Variants in PHACTR1 observed in about 807,000 individuals in gnomAD.
PHACTR1 encodes the protein RPEL repeat containing 1.
PHACTR1 carries 16 observed loss-of-function variants against 69.2 expected under a neutral mutation model. That is an observed-to-expected ratio of 0.23 (90% CI 0.16 to 0.35). PHACTR1 has a LOEUF of 0.35. Ranked by LOEUF, PHACTR1 falls within the 10% of genes least tolerant of loss-of-function variation. The pLI is 1.00. For missense variants in PHACTR1, 510 were observed against 734.7 expected, an observed-to-expected ratio of 0.69 and a Z score of 3.54; for synonymous variants, 312 against 284.5, an observed-to-expected ratio of 1.10 and a Z score of -0.97.
chr6:13,197,200 G>A (rs1764558418), intron 7 of PHACTR1, among the ~76,000 whole-genome samples: 2 of 152,184 alleles, frequency 1.3e-5, no homozygotes, highest in Admixed American at 1.3e-4. Flanking sequence ...ATCAAGGACT[G>A]TACGGGGGCT....
chr6:12,739,082 C>T (rs1263023441), intron 3 of PHACTR1, among the ~76,000 whole-genome samples: 3 of 146,780 alleles, frequency 2.0e-5, no homozygotes, highest in Non-Finnish European at 3.0e-5. Context: ...CTGAGTGCTG[C>T]GACACTCTTG....
At chr6:13,156,849 G>A (rs994473057) in intron 5 of PHACTR1, among the ~76,000 whole-genome samples, 1 of 152,076 alleles carries the variant, frequency 6.6e-6, no homozygotes, top group Non-Finnish European at 1.5e-5. Context: ...TTAACATCTA[G>A]TTGTGTCTAC....
intron 3 of PHACTR1, 45 bp from the exon 4 acceptor site, chr6:12,749,599 C>A: frequency 2.0e-6 from 3 of 1,472,040 alleles, no homozygotes; most frequent in South Asian, 1.2e-5. Flanking sequence ...CCCTCCTCCC[C>A]CTTCCGCCTC....
At chr6:13,100,025 G>A (rs1222943679) in intron 5 of PHACTR1, among the ~76,000 whole-genome samples, 2 of 152,138 alleles carry the variant, frequency 1.3e-5, no homozygotes, top group African/African-American at 2.4e-5. Context: ...TGAAACCCTG[G>A]TGGTGAGGGA....
intron 5 of PHACTR1, among the ~76,000 whole-genome samples, chr6:13,086,688 A>G (rs1812370677): frequency 6.6e-6 from 1 of 152,118 alleles, no homozygotes; most frequent in African/African-American, 2.4e-5. Flanking sequence ...CATTACATGG[A>G]TATCCCATAG....
intron 3 of PHACTR1, among the ~76,000 whole-genome samples, chr6:12,744,990 C>T (rs1244029295): frequency 2.6e-5 from 4 of 152,040 alleles, no homozygotes; most frequent in African/African-American, 7.2e-5. Context: ...TCTAGGTATA[C>T]AGGTCTCATC....
At chr6:12,719,831 C>T (rs1372922788) in intron 3 of PHACTR1, among the ~76,000 whole-genome samples, 1 of 152,140 alleles carries the variant, frequency 6.6e-6, no homozygotes, top group Non-Finnish European at 1.5e-5. Context: ...GCCAACTTAT[C>T]GTGGTAACCT....
chr6:13,099,274 A>G (rs546469268), intron 5 of PHACTR1, among the ~76,000 whole-genome samples: 6 of 152,208 alleles, frequency 3.9e-5, no homozygotes, highest in Non-Finnish European at 7.3e-5. Flanking sequence ...ATTCACCATC[A>G]TATGTCTCCT....
At chr6:12,844,149 C>T (rs1404537097) in intron 4 of PHACTR1, among the ~76,000 whole-genome samples, 1 of 152,160 alleles carries the variant, frequency 6.6e-6, no homozygotes, top group Non-Finnish European at 1.5e-5. Context: ...AATCCCAGCA[C>T]ATTGAGAGCC....
At chr6:12,767,848 T>G (rs1295951563) in intron 4 of PHACTR1, among the ~76,000 whole-genome samples, 3 of 152,186 alleles carry the variant, frequency 2.0e-5, no homozygotes, top group Non-Finnish European at 2.9e-5. Context: ...TAAAAGACAT[T>G]GATAAATCTT....
chr6:13,278,445 CAG>C (rs1424653841), intron 12 of PHACTR1, 116 bp downstream of exon 12: 5 of 841,846 alleles, frequency 5.9e-6, no homozygotes, highest in African/African-American at 3.5e-5. Flanking sequence ...CCTCCTGTGT[CAG>C]AGAGTGCCAC....
intron 4 of PHACTR1, among the ~76,000 whole-genome samples, chr6:12,858,267 C>G (rs2127420438): frequency 6.6e-6 from 1 of 152,210 alleles, no homozygotes; most frequent in South Asian, 2.1e-4. Context: ...GGTCAGGGTC[C>G]CAGTGCACAT....
chr6:12,749,684 G>A lies in PHACTR1; in HGVS notation c.144G>A (p.Ala48=), dbSNP rs368875405. 2.0e-5 allele frequency: 32 copies of A among 1,612,112 alleles called. No homozygotes were observed. Among genetic ancestry groups the A allele is most frequent in the Non-Finnish European group, 2.7e-5 (32 of 1,179,630 alleles). ...TGCTCCTGCCTCCCACATTAATGGC[G>A]GCATCCTCGGAGGATGATATAGACC... is the stretch of plus-strand genomic sequence containing the variant. ...ATLLLPPTLM[A]ASSEDDIDRR... is the part of the protein sequence containing the mutation. Residue 48 remains alanine, a synonymous_variant, in exon 4 of 15, where the codon GCG becomes GCA. Coordinates refer to ENST00000332995, the MANE Select transcript of PHACTR1 (RefSeq NM_030948.6).
chr6:13,193,791 A>T (rs1021972107), intron 7 of PHACTR1, among the ~76,000 whole-genome samples: 15 of 152,044 alleles, frequency 9.9e-5, no homozygotes, highest in African/African-American at 3.6e-4. Context: ...GCTCACCCTG[A>T]TGACGTGGTG....
At chr6:13,235,918 A>G (rs572917913) in intron 10 of PHACTR1, among the ~76,000 whole-genome samples, 15 of 152,320 alleles carry the variant, frequency 9.8e-5, no homozygotes, top group African/African-American at 3.4e-4. Flanking sequence ...AAAAGCCTGC[A>G]AAAGAAAAAT....
chr6:13,089,349 G>C (rs1393746430), intron 5 of PHACTR1, among the ~76,000 whole-genome samples: 4 of 152,168 alleles, frequency 2.6e-5, no homozygotes, highest in Non-Finnish European at 5.9e-5. Context: ...CAGGCTCTAG[G>C]GGGGTGCACT....
intron 4 of PHACTR1, among the ~76,000 whole-genome samples, chr6:12,825,486 G>A (rs1290808733): frequency 6.6e-6 from 1 of 152,206 alleles, no homozygotes; most frequent in East Asian, 1.9e-4. Flanking sequence ...TGTTACAAAT[G>A]AACAGAATAA....
At chr6:13,111,549 CTT>C (rs1817037988) in intron 5 of PHACTR1, among the ~76,000 whole-genome samples, 1 of 152,122 alleles carries the variant, frequency 6.6e-6, no homozygotes, top group Non-Finnish European at 1.5e-5. Context: ...AGTTTTAACT[CTT>C]TTTAGATTTC....
intron 5 of PHACTR1, among the ~76,000 whole-genome samples, chr6:13,131,485 T>C (rs553956155): frequency 1.8e-4 from 27 of 152,154 alleles, no homozygotes; most frequent in African/African-American, 3.1e-4. Context: ...AAACTACACA[T>C]TGAGTACAGC....
Sources: gnomAD v4.1 joint callset for allele counts (sites outside exome capture counted in the v4.1 genomes callset) on GRCh38, gnomAD v4.1.1 for gene constraint, MANE v1.5 for transcripts, NCBI Gene and HGNC (gene_info 2026-07-23, HGNC 2026-07-21) for gene names.